Variants in RBFOX1 observed in about 807,000 individuals in gnomAD.
The protein encoded by RBFOX1 is RNA binding protein fox-1 homolog 1.
Under a neutral mutation model 57.7 loss-of-function variants are expected in RBFOX1, and 8 were observed. That is an observed-to-expected ratio of 0.14 (90% CI 0.08 to 0.25). The LOEUF (loss-of-function observed/expected upper bound fraction) is 0.25, where lower values mean the gene tolerates loss of function less well. Among genes scored for constraint, RBFOX1 ranks in the 10% least tolerant of loss-of-function variants. RBFOX1 has a pLI of 1.00. For missense variants in RBFOX1, 611 were observed against 548.5 expected, an observed-to-expected ratio of 1.11 and a Z score of -1.14; for synonymous variants, 326 against 222.4, an observed-to-expected ratio of 1.47 and a Z score of -4.15.
intron 2 of RBFOX1, among the ~76,000 whole-genome samples, chr16:6,443,177 T>G (rs1269695491): frequency 2.0e-5 from 3 of 152,184 alleles, no homozygotes; most frequent in African/African-American, 7.2e-5. Context: ...TCCATGTATA[T>G]GAAGGAAGCA....
At chr16:5,989,910 C>T (rs1041309026) in intron 4 of RBFOX1, among the ~76,000 whole-genome samples, 1 of 137,246 alleles carries the variant, frequency 7.3e-6, no homozygotes, top group Non-Finnish European at 1.6e-5. Context: ...GGAGTAACCA[C>T]CCAGGTTGGT....
intron 4 of RBFOX1, among the ~76,000 whole-genome samples, chr16:5,894,287 CT>C (rs945520715): frequency 1.3e-5 from 2 of 151,726 alleles, no homozygotes; most frequent in Admixed American, 6.6e-5. Flanking sequence ...ATTATAAAAA[CT>C]TTTTTTTTGT....
chr16:7,635,588 G>A (rs994020239), intron 11 of RBFOX1, among the ~76,000 whole-genome samples: 5 of 152,096 alleles, frequency 3.3e-5, no homozygotes, highest in African/African-American at 1.2e-4. Flanking sequence ...GGGACGGTGT[G>A]TTATTAGTTT....
chr16:6,556,684 A>G (rs1713104551), intron 2 of RBFOX1, among the ~76,000 whole-genome samples: 3 of 152,226 alleles, frequency 2.0e-5, no homozygotes, highest in African/African-American at 7.2e-5. Context: ...TTATAATCAC[A>G]TGATATAGAG....
chr16:7,455,468 G>T (rs1421619992), intron 4 of RBFOX1, among the ~76,000 whole-genome samples: 1 of 151,998 alleles, frequency 6.6e-6, no homozygotes, highest in African/African-American at 2.4e-5. Flanking sequence ...ACATAGATAT[G>T]GACATTTTGT....
intron 2 of RBFOX1, among the ~76,000 whole-genome samples, chr16:5,516,376 C>G (rs1052961994): frequency 6.6e-6 from 1 of 152,100 alleles, no homozygotes; most frequent in Non-Finnish European, 1.5e-5. Flanking sequence ...CACTTCCTGT[C>G]TCACATTATT....
chr16:7,143,520 C>T (rs1167816090), intron 4 of RBFOX1, among the ~76,000 whole-genome samples: 1 of 152,122 alleles, frequency 6.6e-6, no homozygotes, highest in Non-Finnish European at 1.5e-5. Context: ...CCCCTGGAGG[C>T]AGCAGAAGCA....
chr16:7,117,889 C>T (rs973117959), intron 4 of RBFOX1, among the ~76,000 whole-genome samples: 1 of 152,144 alleles, frequency 6.6e-6, no homozygotes, highest in Non-Finnish European at 1.5e-5. Context: ...GGATTCGTGG[C>T]TGCTTGCTTC....
At position 7,305,961 on chromosome 16, in the gene RBFOX1, G is replaced by A. The variant is rs562533719; in HGVS notation, c.28-212186G>A. ...GTATGTGCATGTGCGTTTTATACCA[G>A]TTATTTCCACCGGAAGAAAATTCTA... On this transcript the variant is annotated intron_variant, in intron 4 of 15. Coordinates refer to ENST00000550418, the MANE Select transcript of RBFOX1 (RefSeq NM_018723.4). Among the ~76,000 whole-genome samples, 11 of 152,256 alleles carry A rather than the reference G, an allele frequency of 7.2e-5. 1 individual carries two copies. In the East Asian group the frequency reaches 2.1e-3, roughly 29 times the overall value.
At chr16:5,646,649 T>G (rs1388635101) in intron 3 of RBFOX1, among the ~76,000 whole-genome samples, 1 of 151,998 alleles carries the variant, frequency 6.6e-6, no homozygotes, top group Non-Finnish European at 1.5e-5. Context: ...TTTTTTATTT[T>G]TTTGAGATGG....
chr16:7,042,701 G>A (rs948052234), intron 3 of RBFOX1, among the ~76,000 whole-genome samples: 4 of 152,278 alleles, frequency 2.6e-5, no homozygotes, highest in Admixed American at 6.5e-5. Flanking sequence ...CCAGGCGGGC[G>A]GATCATTTGA....
chr16:7,515,559 C>T (rs1448721610), intron 4 of RBFOX1, among the ~76,000 whole-genome samples: 5 of 152,090 alleles, frequency 3.3e-5, no homozygotes, highest in African/African-American at 1.2e-4. Context: ...GTGGTCACTT[C>T]ACAATGTATA....
At chr16:5,437,525 C>T (rs777560065) in intron 1 of RBFOX1, among the ~76,000 whole-genome samples, 2 of 152,096 alleles carry the variant, frequency 1.3e-5, no homozygotes, top group Non-Finnish European at 2.9e-5. Flanking sequence ...GCATATCCAA[C>T]CATAGATGAA....
Position 7,251,548 on chromosome 16 carries a change from T to C in RBFOX1, c.27+199450T>C, listed in dbSNP as rs560881158. Among the ~76,000 whole-genome samples, 6 of 152,030 alleles carry C rather than the reference T, an allele frequency of 3.9e-5. No homozygotes were observed. The South Asian group carries it at 1.3e-3, about 32-fold the overall frequency. On this transcript the variant is annotated intron_variant, in intron 4 of 15. Transcript: ENST00000550418. ...GCCTCAGACTCCCAAGTAGCTGGGA[T>C]TACACGTGTCTCCCCTCGCCGCCAT...
intron 1 of RBFOX1, among the ~76,000 whole-genome samples, chr16:5,320,359 C>T (rs1306945607): frequency 6.6e-6 from 1 of 152,200 alleles, no homozygotes; most frequent in Non-Finnish European, 1.5e-5. Flanking sequence ...GATCAGGGTA[C>T]TCCAGCATTT....
chr16:5,370,420 G>A (rs2065827960), intron 1 of RBFOX1, among the ~76,000 whole-genome samples: 1 of 151,688 alleles, frequency 6.6e-6, no homozygotes. Context: ...GGCACTGTCT[G>A]GGGCAAAGAT....
intron 2 of RBFOX1, among the ~76,000 whole-genome samples, chr16:6,614,743 C>T (rs1329217881): frequency 1.3e-5 from 2 of 152,116 alleles, no homozygotes; most frequent in Non-Finnish European, 1.5e-5. Context: ...CTTCGTGTGG[C>T]ATTTTCCATC....
intron 4 of RBFOX1, among the ~76,000 whole-genome samples, chr16:7,220,181 A>T (rs1317041): frequency 6.6e-6 from 1 of 152,094 alleles, no homozygotes; most frequent in South Asian, 2.1e-4. Context: ...ACAAAAGTGC[A>T]GGAGGAAAAT....
intron 3 of RBFOX1, among the ~76,000 whole-genome samples, chr16:6,981,982 C>T (rs1303746773): frequency 1.3e-5 from 2 of 152,130 alleles, no homozygotes; most frequent in East Asian, 3.9e-4. Flanking sequence ...ACAAATAAGC[C>T]TCCAAATAGT....
Sources: gnomAD v4.1 joint callset for allele counts (sites outside exome capture counted in the v4.1 genomes callset) on GRCh38, gnomAD v4.1.1 for gene constraint, MANE v1.5 for transcripts, NCBI Gene and HGNC (gene_info 2026-07-23, HGNC 2026-07-21) for gene names.